LUZP2: variants seen among roughly 807,000 people sequenced by gnomAD.
The protein encoded by LUZP2 is leucine zipper protein 2.
A neutral mutation model predicts 51.6 loss-of-function variants in LUZP2; 52 were observed. The observed-to-expected ratio is 1.01, with a 90% CI of 0.81 to 1.27. The LOEUF (loss-of-function observed/expected upper bound fraction) is 1.27. Ranked by LOEUF, LUZP2 falls within the 50% of genes most tolerant of loss-of-function variation. The pLI is 0.00. For missense variants in LUZP2, 436 were observed against 395.4 expected, an observed-to-expected ratio of 1.10 and a Z score of -0.87; for synonymous variants, 154 against 137.3, an observed-to-expected ratio of 1.12 and a Z score of -0.85.
At chr11:24,725,722 T>C (rs1207358202) in intron 1 of LUZP2, among the ~76,000 whole-genome samples, 1 of 152,132 alleles carries the variant, frequency 6.6e-6, no homozygotes, top group Non-Finnish European at 1.5e-5. Context: ...GGTTGGAATA[T>C]GTGCCTCCAA....
intron 10 of LUZP2, among the ~76,000 whole-genome samples, chr11:25,066,320 G>T (rs1375209277): frequency 6.6e-6 from 1 of 151,826 alleles, no homozygotes; most frequent in Non-Finnish European, 1.5e-5. Flanking sequence ...TAAAATGATT[G>T]CATAGAGCTT....
rs181391863 is a variant in LUZP2, at chr11:24,855,675, G to C, written c.397-50316G>C. ...GAACAACCAAAGCAATCCTAAACAA[G>C]AAGAACAAAGTGGAAGGCATCGTAT... is the stretch of plus-strand genomic sequence containing the variant. On this transcript the variant is annotated intron_variant, in intron 5 of 11. Transcript: ENST00000336930. Among the ~76,000 whole-genome samples the C allele has an allele frequency of 7.2e-5, 11 of 152,206 alleles. No homozygotes were observed. In the East Asian group the frequency reaches 1.9e-3, roughly 27 times the overall value.
chr11:24,729,886 T>C (rs959084826), intron 2 of LUZP2, among the ~76,000 whole-genome samples: 1 of 151,922 alleles, frequency 6.6e-6, no homozygotes, highest in Non-Finnish European at 1.5e-5. Flanking sequence ...GTAATGTATC[T>C]ATGAGGTAGA....
At chr11:24,838,311 C>G (rs1850917695) in intron 5 of LUZP2, among the ~76,000 whole-genome samples, 1 of 151,556 alleles carries the variant, frequency 6.6e-6, no homozygotes, top group Non-Finnish European at 1.5e-5. Context: ...TATACATTCT[C>G]TTTTTGTATA....
intron 1 of LUZP2, among the ~76,000 whole-genome samples, chr11:24,708,882 CA>C (rs1479239053): frequency 1.3e-5 from 2 of 152,118 alleles, no homozygotes; most frequent in Non-Finnish European, 2.9e-5. Context: ...GATCACATAA[CA>C]AAAAGTCTGC....
At chr11:24,862,930 CAATT>C (rs1304120986) in intron 5 of LUZP2, among the ~76,000 whole-genome samples, 3 of 152,028 alleles carry the variant, frequency 2.0e-5, no homozygotes, top group South Asian at 2.1e-4. Context: ...TTTAAGAAAA[CAATT>C]AATAAGCACA....
chr11:24,778,724 T>A (rs1849011196), intron 5 of LUZP2, among the ~76,000 whole-genome samples: 1 of 152,158 alleles, frequency 6.6e-6, no homozygotes, highest in Non-Finnish European at 1.5e-5. Flanking sequence ...GAGTAGAATT[T>A]TTGCTAGCAT....
rs912729582 is a variant in LUZP2 at position 24,834,633 on chromosome 11, T to C, written c.396+71325T>C. On this transcript the variant is annotated intron_variant, in intron 5 of 11. Coordinates refer to ENST00000336930, the MANE Select transcript of LUZP2 (RefSeq NM_001009909.4). ...CCAGCAATGGTATTGCTGGGTCAAA[T>C]GGTATTTCTGGTTCTAGATCCTTGA... is the stretch of plus-strand genomic sequence containing the variant. Among the ~76,000 whole-genome samples the C allele has an allele frequency of 9.1e-4, 138 of 152,326 alleles. 1 individual carries two copies. Among genetic ancestry groups the C allele is most frequent in the Non-Finnish European group, 3.5e-4 (24 of 68,026 alleles).
chr11:24,583,190 A>T (rs546937243), intron 1 of LUZP2, among the ~76,000 whole-genome samples: 6 of 152,180 alleles, frequency 3.9e-5, no homozygotes, highest in African/African-American at 1.4e-4. Context: ...TGTAATATAC[A>T]TGAATATTAT....
chr11:25,030,737 G>A (rs1857621465), intron 9 of LUZP2, among the ~76,000 whole-genome samples: 1 of 149,278 alleles, frequency 6.7e-6, no homozygotes, highest in Non-Finnish European at 1.5e-5. Context: ...ATATGACTAT[G>A]TATTTACCAT....
At chr11:24,861,252 GA>G (rs1851731880) in intron 5 of LUZP2, among the ~76,000 whole-genome samples, 1 of 151,902 alleles carries the variant, frequency 6.6e-6, no homozygotes, top group Admixed American at 6.6e-5. Flanking sequence ...CAAGAATAGG[GA>G]AAAAAGAATG....
chr11:24,931,632 CTTTTG>C (rs1854454647), intron 7 of LUZP2, among the ~76,000 whole-genome samples: 1 of 152,080 alleles, frequency 6.6e-6, no homozygotes, highest in South Asian at 2.1e-4. Flanking sequence ...TATCCTTAGA[CTTTTG>C]TTTGTTTGTT....
intron 1 of LUZP2, among the ~76,000 whole-genome samples, chr11:24,554,752 C>A (rs1851817159): frequency 1.7e-5 from 2 of 117,478 alleles, no homozygotes; most frequent in Admixed American, 2.3e-4. Context: ...AGAAAGTATA[C>A]AACAGACTAT....
At position 24,878,118 on chromosome 11, in the gene LUZP2, G is replaced by GT. The variant is rs1565039855; in HGVS notation, c.397-27873_397-27872insT. Among the ~76,000 whole-genome samples the GT allele has an allele frequency of 3.0e-3, 92 of 30,750 alleles. 1 individual carries two copies. The South Asian group carries it at 0.036, about 12-fold the overall frequency. 20.2% of individuals were successfully genotyped at this position (30,750 alleles called of 152,430 possible). A position where few individuals can be genotyped will look rare whatever the true frequency, so the allele number is the denominator to read the frequency against. On this transcript the variant is annotated intron_variant, in intron 5 of 11. Coordinates refer to ENST00000336930, the MANE Select transcript of LUZP2 (RefSeq NM_001009909.4). The stretch of plus-strand genomic sequence containing the variant: ...ATTCTGTGTTTTTTTTTTTTTTTTT[G>GT]GTGAACTTACAATTACCAGTAAGTT...
At chr11:24,695,628 T>G (rs1857224225) in intron 1 of LUZP2, among the ~76,000 whole-genome samples, 1 of 152,080 alleles carries the variant, frequency 6.6e-6, no homozygotes, top group Non-Finnish European at 1.5e-5. Context: ...GGGAGTATCT[T>G]CCTTTCAACT....
intron 5 of LUZP2, among the ~76,000 whole-genome samples, chr11:24,824,849 TA>T (rs1475594308): frequency 6.6e-6 from 1 of 152,288 alleles, no homozygotes; most frequent in East Asian, 1.9e-4. Flanking sequence ...TATCAATTAT[TA>T]ACTAAAATTT....
At chr11:24,937,433 T>C (rs1032173184) in intron 7 of LUZP2, among the ~76,000 whole-genome samples, 1 of 152,226 alleles carries the variant, frequency 6.6e-6, no homozygotes, top group Non-Finnish European at 1.5e-5. Context: ...TTCCAAGTTA[T>C]GTAGCAGGAT....
chr11:24,585,920 T>C (rs1388449475), intron 1 of LUZP2, among the ~76,000 whole-genome samples: 1 of 152,220 alleles, frequency 6.6e-6, no homozygotes, highest in Non-Finnish European at 1.5e-5. Flanking sequence ...TAATTAGTCT[T>C]GTTCAGGGGC....
At chr11:24,991,515 G>C (rs1412300271) in intron 9 of LUZP2, among the ~76,000 whole-genome samples, 2 of 150,932 alleles carry the variant, frequency 1.3e-5, no homozygotes. Context: ...ATTGCAAATT[G>C]TTCTTCTATA....
Sources: allele counts gnomAD v4.1 joint callset (sites outside exome capture counted in the v4.1 genomes callset), GRCh38; gene constraint gnomAD v4.1.1; transcripts MANE v1.5; gene names NCBI Gene and HGNC (gene_info 2026-07-23, HGNC 2026-07-21).